The following EPHA3 variants were observed in gnomAD, a reference collection of about 807,000 sequenced individuals.
EPHA3 encodes the protein ephrin type-A receptor 3.
A neutral mutation model predicts 107.1 loss-of-function variants in EPHA3; 42 were observed. The observed-to-expected ratio is 0.39, with a 90% CI of 0.31 to 0.51. The LOEUF (loss-of-function observed/expected upper bound fraction) is 0.51. Ranked by LOEUF, EPHA3 falls within the 20% of genes least tolerant of loss-of-function variation. EPHA3 has a pLI of 0.78. For missense variants in EPHA3, 1,183 were observed against 1,211.2 expected (o/e 0.98, Z 0.35); for synonymous variants, 461 against 424.8 (o/e 1.09, Z -1.05).
intron 3 of EPHA3, among the ~76,000 whole-genome samples, chr3:89,260,002 T>C (rs376312639): frequency 2.0e-5 from 3 of 152,234 alleles, no homozygotes; most frequent in African/African-American, 7.2e-5. Flanking sequence ...GCATCTTCTT[T>C]TTCAAAGGCT....
intron 11 of EPHA3, among the ~76,000 whole-genome samples, chr3:89,426,667 A>C (rs1395182490): frequency 6.6e-6 from 1 of 151,864 alleles, no homozygotes; most frequent in East Asian, 1.9e-4. Context: ...CCAGAAGGAA[A>C]GGAGTGATAA....
At chr3:89,467,731 C>T (rs191469331) in intron 15 of EPHA3, among the ~76,000 whole-genome samples, 1 of 152,112 alleles carries the variant, frequency 6.6e-6, no homozygotes, top group Admixed American at 6.5e-5. Flanking sequence ...GAATAATTCA[C>T]AAATCTTAAT....
chr3:89,471,300 G>A (rs1422840630), intron 15 of EPHA3, among the ~76,000 whole-genome samples: 1 of 152,092 alleles, frequency 6.6e-6, no homozygotes, highest in Non-Finnish European at 1.5e-5. Context: ...ACCAGGTCTT[G>A]CAGGTGGTTA....
intron 10 of EPHA3, among the ~76,000 whole-genome samples, chr3:89,417,139 C>T (rs1709265104): frequency 6.6e-6 from 1 of 151,442 alleles, no homozygotes; most frequent in Admixed American, 6.6e-5. Flanking sequence ...AAGTACTTAA[C>T]ATACATTAGT....
At chr3:89,428,904 A>C (rs984663979) in intron 11 of EPHA3, among the ~76,000 whole-genome samples, 1 of 152,086 alleles carries the variant, frequency 6.6e-6, no homozygotes, top group African/African-American at 2.4e-5. Context: ...TTGTTCTGGA[A>C]ACCAATCTTC....
intron 2 of EPHA3, among the ~76,000 whole-genome samples, chr3:89,193,734 T>A (rs1429596455): frequency 6.6e-6 from 1 of 152,020 alleles, no homozygotes; most frequent in East Asian, 1.9e-4. Context: ...ATATTTTAAA[T>A]GATATTGAAT....
intron 5 of EPHA3, among the ~76,000 whole-genome samples, chr3:89,351,349 C>A (rs1293438607): frequency 6.6e-6 from 1 of 151,224 alleles, no homozygotes; most frequent in Admixed American, 6.6e-5. Context: ...GTCTGAAAAG[C>A]GCAATATTCG....
chr3:89,368,998 C>T (rs967396020), intron 5 of EPHA3, among the ~76,000 whole-genome samples: 13 of 150,564 alleles, frequency 8.6e-5, no homozygotes, highest in African/African-American at 2.7e-4. Flanking sequence ...GTTGCTGACT[C>T]ACAATTTGAA....
intron 2 of EPHA3, among the ~76,000 whole-genome samples, chr3:89,133,148 T>A (rs1704241567): frequency 6.6e-6 from 1 of 152,162 alleles, no homozygotes; most frequent in Non-Finnish European, 1.5e-5. Context: ...TCTCCTTAAA[T>A]CTCAGTCTAC....
chr3:89,302,438 T>A (rs1042073548), intron 3 of EPHA3, among the ~76,000 whole-genome samples: 14 of 152,194 alleles, frequency 9.2e-5, no homozygotes, highest in Non-Finnish European at 1.3e-4. Context: ...GGTAGAAAAT[T>A]CTTTTATTTT....
At position 89,451,482 on chromosome 3, in the gene EPHA3, A is replaced by G. The variant is rs191526976; in HGVS notation, c.2690+1112A>G. On this transcript the variant is annotated intron_variant, in intron 15 of 16. Coordinates refer to ENST00000336596, the MANE Select transcript of EPHA3 (RefSeq NM_005233.6). ...ACATTTTGATAATGCATTCTCTTACAGGCTTTTAATTTTTCTCTCTGATTT... is the reference window on the plus strand; with the variant it reads ...ACATTTTGATAATGCATTCTCTTACGGGCTTTTAATTTTTCTCTCTGATTT... 2.3e-3 allele frequency among the ~76,000 whole-genome samples: 355 copies of G among 152,338 alleles called. 1 individual carries two copies. Among genetic ancestry groups the G allele is most frequent in the Non-Finnish European group, 4.3e-3 (294 of 68,032 alleles).
chr3:89,302,728 C>T (rs756789740), intron 3 of EPHA3, among the ~76,000 whole-genome samples: 1 of 152,022 alleles, frequency 6.6e-6, no homozygotes, highest in Non-Finnish European at 1.5e-5. Context: ...CTTGCTAATA[C>T]TCTTCTAAAG....
At chr3:89,223,811 A>G (rs1709971726) in intron 3 of EPHA3, among the ~76,000 whole-genome samples, 1 of 152,134 alleles carries the variant, frequency 6.6e-6, no homozygotes, top group Non-Finnish European at 1.5e-5. Flanking sequence ...GTGGAGAGAA[A>G]ATCGTATAAT....
chr3:89,476,180 T>C, intron 16 of EPHA3, among the ~76,000 whole-genome samples: 1 of 146,624 alleles, frequency 6.8e-6, no homozygotes, highest in East Asian at 1.9e-4. Context: ...AGATAACATA[T>C]ATAAACATGT....
At chr3:89,160,208 C>G (rs1440347822) in intron 2 of EPHA3, among the ~76,000 whole-genome samples, 1 of 151,922 alleles carries the variant, frequency 6.6e-6, no homozygotes, top group African/African-American at 2.4e-5. Context: ...TTGGAACAAT[C>G]AGAATGGATC....
At chr3:89,413,025 G>A in intron 9 of EPHA3, 116 bp from the exon 10 acceptor site, 1 of 1,358,220 alleles carries the variant, frequency 7.4e-7, no homozygotes, top group South Asian at 1.4e-5. Context: ...ATAAACTGAA[G>A]GTTGTGCACC....
At chr3:89,441,604 G>A (rs1232818058) in intron 13 of EPHA3, among the ~76,000 whole-genome samples, 1 of 152,066 alleles carries the variant, frequency 6.6e-6, no homozygotes, top group Non-Finnish European at 1.5e-5. Context: ...TTTTAAAAAT[G>A]TCCTTCACAT....
At chr3:89,370,401 G>T (rs1379690478) in intron 5 of EPHA3, among the ~76,000 whole-genome samples, 1 of 151,258 alleles carries the variant, frequency 6.6e-6, no homozygotes, top group African/African-American at 2.4e-5. Flanking sequence ...GTAAACTATC[G>T]CAAGGACAAA....
chr3:89,263,784 G>C (rs1052368746), intron 3 of EPHA3, among the ~76,000 whole-genome samples: 24 of 152,132 alleles, frequency 1.6e-4, no homozygotes, highest in African/African-American at 5.6e-4. Context: ...AACAGGGATA[G>C]AAGTTCTAAT....
Sources: allele counts gnomAD v4.1 joint callset (sites outside exome capture counted in the v4.1 genomes callset), GRCh38; gene constraint gnomAD v4.1.1; transcripts MANE v1.5; gene names NCBI Gene and HGNC (gene_info 2026-07-23, HGNC 2026-07-21).